The following TNS3 variants were observed in gnomAD, a reference collection of about 807,000 sequenced individuals.
TNS3 encodes the protein tensin 3, also known as tensin-3.
Under a neutral mutation model 140.9 loss-of-function variants are expected in TNS3, and 45 were observed. The ratio of observed to expected loss-of-function variants is 0.32; its 90% CI spans 0.25 to 0.41. The LOEUF is 0.41. Ranked by LOEUF, TNS3 falls within the 10% of genes least tolerant of loss-of-function variation. TNS3 has a pLI of 1.00. For synonymous variants in TNS3, 815 were observed against 788.4 expected (o/e 1.03, Z -0.56); for missense variants, 1,716 against 1,906.7 (o/e 0.90, Z 1.86).
intron 4 of TNS3, among the ~76,000 whole-genome samples, chr7:47,462,909 T>A (rs1295439201): frequency 1.3e-5 from 2 of 152,152 alleles, no homozygotes; most frequent in African/African-American, 4.8e-5. Context: ...TGGGATCTGT[T>A]CTCTCAGATA....
intron 13 of TNS3, among the ~76,000 whole-genome samples, chr7:47,404,240 T>C (rs1793319645): frequency 6.6e-6 from 1 of 152,208 alleles, no homozygotes. Flanking sequence ...GATGTTGACA[T>C]CACAAATCGC....
intron 10 of TNS3, among the ~76,000 whole-genome samples, chr7:47,420,233 G>A (rs1431661054): frequency 6.6e-6 from 1 of 152,194 alleles, no homozygotes; most frequent in Non-Finnish European, 1.5e-5. Flanking sequence ...AGACAGGCAT[G>A]AGCAGGGCAG....
intron 15 of TNS3, among the ~76,000 whole-genome samples, chr7:47,399,284 T>G (rs1793017235): frequency 6.6e-6 from 1 of 151,568 alleles, no homozygotes; most frequent in Non-Finnish European, 1.5e-5. Context: ...GCAATTCCTA[T>G]CAAAATACTA....
intron 2 of TNS3, among the ~76,000 whole-genome samples, chr7:47,508,987 C>G (rs1798514313): frequency 6.6e-6 from 1 of 152,192 alleles, no homozygotes; most frequent in Admixed American, 6.5e-5. Flanking sequence ...GACCCTGAGC[C>G]AGAACTGCCC....
At chr7:47,304,276 G>A (rs2222625) in intron 21 of TNS3, among the ~76,000 whole-genome samples, 42,829 of 152,084 alleles carry the variant, frequency 0.28, 6,519 homozygotes, top group South Asian at 0.34. Flanking sequence ...ACCACACCAC[G>A]TGACACACGT....
At chr7:47,347,702 C>T (rs1789427649) in intron 17 of TNS3, among the ~76,000 whole-genome samples, 1 of 152,102 alleles carries the variant, frequency 6.6e-6, no homozygotes, top group African/African-American at 2.4e-5. Flanking sequence ...AGCAACCTTC[C>T]ACCTCTTCCT....
At chr7:47,280,399 T>C in intron 28 of TNS3, 45 bp from the exon 29 acceptor site, 1 of 1,576,852 alleles carries the variant, frequency 6.3e-7, no homozygotes, top group Non-Finnish European at 8.7e-7. Flanking sequence ...TTACTAGGGC[T>C]TTTGGGTGAT....
chr7:47,495,000 C>G (rs759706497), intron 3 of TNS3, among the ~76,000 whole-genome samples: 2 of 151,934 alleles, frequency 1.3e-5, no homozygotes, highest in Non-Finnish European at 2.9e-5. Flanking sequence ...GGAAACCTAC[C>G]CTTCAGAAGT....
At chr7:47,424,336 G>T (rs1326975308) in intron 9 of TNS3, 152 bp from the exon 10 acceptor site, 4 of 651,996 alleles carry the variant, frequency 6.1e-6, no homozygotes, top group Non-Finnish European at 1.0e-5. Context: ...CAATCCACCT[G>T]TCCCTTGTTA....
intron 4 of TNS3, among the ~76,000 whole-genome samples, chr7:47,465,477 G>C (rs1023612245): frequency 1.3e-5 from 2 of 152,156 alleles, no homozygotes; most frequent in African/African-American, 4.8e-5. Context: ...GAGACACGCG[G>C]ATCAGAAGCC....
chr7:47,299,164 C>T (rs1018721774), intron 23 of TNS3, among the ~76,000 whole-genome samples: 3 of 152,194 alleles, frequency 2.0e-5, no homozygotes, highest in Non-Finnish European at 4.4e-5. Context: ...GAGATAGGCT[C>T]TCTCACTCTG....
At chr7:47,477,970 G>C (rs1165478774) in intron 4 of TNS3, among the ~76,000 whole-genome samples, 8 of 152,292 alleles carry the variant, frequency 5.3e-5, no homozygotes, top group Admixed American at 3.9e-4. Flanking sequence ...CCAGGAGGAA[G>C]ACAGCACTGC....
intron 20 of TNS3, among the ~76,000 whole-genome samples, chr7:47,325,125 T>G (rs924014968): frequency 3.3e-5 from 5 of 149,352 alleles, no homozygotes; most frequent in Non-Finnish European, 5.9e-5. Context: ...CAAAGAGGGG[T>G]TCCCAAGACC....
chr7:47,562,596 G>A (rs1800340376), intron 1 of TNS3, among the ~76,000 whole-genome samples: 1 of 152,136 alleles, frequency 6.6e-6, no homozygotes, highest in African/African-American at 2.4e-5. Context: ...ATATGGGTCA[G>A]GCTGGTCTCA....
rs956487624 is a variant in TNS3, at chr7:47,428,466, C to T, written c.325-90G>A. On this transcript the variant is annotated intron_variant, in intron 8 of 30. Coordinates refer to ENST00000311160, the MANE Select transcript of TNS3 (RefSeq NM_022748.12). ...GGAAAAGACTCACTAGTGGACAAAACAATAGAGAGCCTGCTTTGGTGGTAA... is the reference window on the plus strand; with the variant it reads ...GGAAAAGACTCACTAGTGGACAAAATAATAGAGAGCCTGCTTTGGTGGTAA... 36 of 956,144 alleles carry T rather than the reference C, an allele frequency of 3.8e-5. No individual in the cohort carries two copies. The South Asian group carries it at 3.8e-4, about 10-fold the overall frequency. 59.2% of individuals were successfully genotyped at this position (956,144 alleles called of 1,614,324 possible). A position where few individuals can be genotyped will look rare whatever the true frequency, so the allele number is the denominator to read the frequency against.
intron 20 of TNS3, among the ~76,000 whole-genome samples, chr7:47,313,462 C>G (rs1355927998): frequency 6.6e-6 from 1 of 152,112 alleles, no homozygotes; most frequent in African/African-American, 2.4e-5. Context: ...CAAGAAGCAG[C>G]ACAGAACTTT....
intron 13 of TNS3, among the ~76,000 whole-genome samples, 160 bp from the exon 14 acceptor site, chr7:47,401,074 C>T (rs1209649827): frequency 6.6e-6 from 1 of 152,208 alleles, no homozygotes; most frequent in Admixed American, 6.5e-5. Context: ...GGGGCACAGG[C>T]GCCTGCAGAC....
Position 47,407,440 on chromosome 7 carries a change from C to A in TNS3, c.723+4287G>T, listed in dbSNP as rs533271351. Among the ~76,000 whole-genome samples the A allele has an allele frequency of 2.2e-4, 34 of 152,344 alleles. No homozygotes were observed. The highest frequency in any genetic ancestry group is 1.2e-4 in the Non-Finnish European group (8 of 68,036). On this transcript the variant is annotated intron_variant, in intron 13 of 30. Transcript: ENST00000311160. The surrounding 1 kb of genome is among the most constrained non-coding windows in gnomAD (Gnocchi z 4.1). ...GCACTGCCCACTCACGTGTCCACCG[C>A]ATCTTCTCATGCAGGCCGCACGCTG...
chr7:47,475,132 C>T (rs1164868078), intron 4 of TNS3, among the ~76,000 whole-genome samples: 1 of 152,166 alleles, frequency 6.6e-6, no homozygotes, highest in Non-Finnish European at 1.5e-5. Flanking sequence ...ACACAAAACA[C>T]CTCACACACA....
Sources: allele counts gnomAD v4.1 joint callset (sites outside exome capture counted in the v4.1 genomes callset), GRCh38; gene constraint gnomAD v4.1.1; non-coding constraint Gnocchi (gnomAD v3.1); transcripts MANE v1.5; gene names NCBI Gene and HGNC (gene_info 2026-07-23, HGNC 2026-07-21).